The following MAPK10 variants were observed in gnomAD, a reference collection of about 807,000 sequenced individuals.
The protein encoded by MAPK10 is JNK3 alpha protein kinase.
A neutral mutation model predicts 59.3 loss-of-function variants in MAPK10; 25 were observed. That is an observed-to-expected ratio of 0.42 (90% CI 0.31 to 0.59). MAPK10 has a LOEUF of 0.59. Among genes scored for constraint, MAPK10 ranks in the 20% least tolerant of loss-of-function variants. MAPK10 has a pLI of 0.15. For synonymous variants in MAPK10, 190 were observed against 200.5 expected (o/e 0.95, Z 0.44); for missense variants, 351 against 568.9 (o/e 0.62, Z 3.90).
At chr4:86,428,831 G>A (rs78452509) in intron 1 of MAPK10, among the ~76,000 whole-genome samples, 1 of 152,116 alleles carries the variant, frequency 6.6e-6, no homozygotes, top group Non-Finnish European at 1.5e-5. Context: ...TTGAATTTAT[G>A]TACTAAATGA....
intron 2 of MAPK10, among the ~76,000 whole-genome samples, chr4:86,303,422 G>A (rs1020051282): frequency 6.6e-6 from 1 of 152,034 alleles, no homozygotes; most frequent in East Asian, 1.9e-4. Context: ...AAAGGAAGAA[G>A]TGATATAAAG....
At chr4:86,254,968 A>C (rs1257756735) in intron 2 of MAPK10, among the ~76,000 whole-genome samples, 4 of 152,210 alleles carry the variant, frequency 2.6e-5, no homozygotes, top group Non-Finnish European at 4.4e-5. Context: ...CAGTTCCTTT[A>C]TGAAGATGTA....
intron 1 of MAPK10, among the ~76,000 whole-genome samples, chr4:86,397,563 G>A (rs1688004112): frequency 6.6e-6 from 1 of 152,060 alleles, no homozygotes; most frequent in Non-Finnish European, 1.5e-5. Context: ...CCTTCTCAAA[G>A]CATTGAGAAC....
intron 1 of MAPK10, among the ~76,000 whole-genome samples, chr4:86,392,619 G>A (rs62307458): frequency 2.0e-5 from 3 of 152,102 alleles, no homozygotes; most frequent in Admixed American, 1.3e-4. Flanking sequence ...AAAAAAAAAG[G>A]AGCAGACTAG....
chr4:86,446,678 T>G (rs779785798), intron 1 of MAPK10, among the ~76,000 whole-genome samples: 10 of 152,136 alleles, frequency 6.6e-5, no homozygotes, highest in Non-Finnish European at 1.5e-4. Flanking sequence ...CAACTTGCAC[T>G]CCCACCAGCA....
intron 13 of MAPK10, chr4:86,024,524 A>C (rs1749167533): frequency 6.6e-6 from 1 of 152,214 alleles, no homozygotes; most frequent in Non-Finnish European, 1.5e-5. Context: ...CCTCAAGCAT[A>C]TATTTCCCCT....
rs190484484 is a variant in MAPK10 at position 86,271,604 on chromosome 4, C to T, written c.-6-77197G>A. Among the ~76,000 whole-genome samples, 6 of 152,000 alleles carry T rather than the reference C, an allele frequency of 3.9e-5. No individual in the cohort carries two copies. The East Asian group carries it at 9.7e-4, about 25-fold the overall frequency. On this transcript the variant is annotated intron_variant, in intron 2 of 13. Coordinates refer to ENST00000641462, the MANE Select transcript of MAPK10 (RefSeq NM_138982.4). ...CTCTCACGCTGCTAATAAAGACATA[C>T]CCTAAACTGGGTGATTTATTATGTA...
At chr4:86,156,039 G>A (rs2067675049) in intron 4 of MAPK10, among the ~76,000 whole-genome samples, 1 of 151,896 alleles carries the variant, frequency 6.6e-6, no homozygotes, top group South Asian at 2.1e-4. Context: ...TTTCAGAATG[G>A]TGTACAATTT....
chr4:86,288,084 G>A (rs551937554), intron 2 of MAPK10, among the ~76,000 whole-genome samples: 5 of 152,076 alleles, frequency 3.3e-5, no homozygotes, highest in African/African-American at 1.2e-4. Context: ...TATCACCTGC[G>A]AAAATAGCAC....
intron 1 of MAPK10, among the ~76,000 whole-genome samples, chr4:86,395,746 G>A (rs1742819526): frequency 6.6e-6 from 1 of 152,160 alleles, no homozygotes; most frequent in Non-Finnish European, 1.5e-5. Context: ...TACTGGTGAG[G>A]GTTCTCTTCC....
At chr4:86,029,963 G>C (rs2038592624) in intron 12 of MAPK10, among the ~76,000 whole-genome samples, 2 of 117,534 alleles carry the variant, frequency 1.7e-5, no homozygotes, top group Admixed American at 1.5e-4. Context: ...TTTCAGTTCT[G>C]TTTACTCTGT....
intron 4 of MAPK10, among the ~76,000 whole-genome samples, chr4:86,128,312 A>C (rs2060416345): frequency 6.6e-6 from 1 of 152,048 alleles, no homozygotes; most frequent in Non-Finnish European, 1.5e-5. Context: ...TCCCCGCCAA[A>C]TCTCATCTTG....
At chr4:86,492,137 G>A (rs1754501026) in intron 1 of MAPK10, among the ~76,000 whole-genome samples, 1 of 152,154 alleles carries the variant, frequency 6.6e-6, no homozygotes, top group African/African-American at 2.4e-5. Flanking sequence ...TGGAGTATGT[G>A]AGTTTTTTCT....
In MAPK10 at chr4:86,017,869, C is replaced by G. The variant is rs189976552; in HGVS notation, c.1253-499G>C. ...TCCCGAGTAGCTGGGAGTACAGGTG[C>G]GCACCACCACACCCAGCTAATTTTT... On this transcript the variant is annotated intron_variant, in intron 13 of 13. Transcript: ENST00000641462. The surrounding 1 kb of genome is among the most constrained non-coding windows in gnomAD (Gnocchi z 4.4). Among the ~76,000 whole-genome samples, 2 of 152,174 alleles carry G rather than the reference C, an allele frequency of 1.3e-5. No homozygotes were observed. Among genetic ancestry groups the G allele is most frequent in the East Asian group, 3.9e-4 (2 of 5,162 alleles).
At chr4:86,401,901 T>C (rs1217906715) in intron 1 of MAPK10, among the ~76,000 whole-genome samples, 1 of 152,154 alleles carries the variant, frequency 6.6e-6, no homozygotes, top group Non-Finnish European at 1.5e-5. Flanking sequence ...TGCTGCCATT[T>C]TGGAGTATCT....
chr4:86,454,872 T>G (rs1171290495), upstream of MAPK10, among the ~76,000 whole-genome samples: 1 of 152,092 alleles, frequency 6.6e-6, no homozygotes, highest in African/African-American at 2.4e-5. Context: ...TCTTAAGAGA[T>G]GTAAGGCAAA....
At chr4:86,463,648 GC>G (rs1751945534) in intron 1 of MAPK10, among the ~76,000 whole-genome samples, 1 of 152,122 alleles carries the variant, frequency 6.6e-6, no homozygotes, top group African/African-American at 2.4e-5. Flanking sequence ...ACACAAAGTA[GC>G]CATATGTAGG....
chr4:86,341,903 A>C (rs144784055), intron 2 of MAPK10, among the ~76,000 whole-genome samples: 457 of 151,944 alleles, frequency 3.0e-3, no homozygotes, highest in Non-Finnish European at 5.3e-3. Flanking sequence ...ACCTTATGGG[A>C]AAGCACCATT....
Position 86,437,396 on chromosome 4 carries a change from C to T in MAPK10, c.-122+15634G>A, listed in dbSNP as rs558121470. On this transcript the variant is annotated intron_variant, in intron 1 of 13. Coordinates refer to the MAPK10 transcript ENST00000361569. Reference sequence around the variant, plus strand: ...AACTAAATGATTTTTCTCTTGTATTCTGTTATTTGTGCAGAATTACATAAA... The same window carrying T: ...AACTAAATGATTTTTCTCTTGTATTTTGTTATTTGTGCAGAATTACATAAA... Among the ~76,000 whole-genome samples, 26 of 151,766 alleles carry T rather than the reference C, an allele frequency of 1.7e-4. No homozygotes were observed. The South Asian group carries it at 5.4e-3, about 32-fold the overall frequency.
Sources: allele counts gnomAD v4.1 joint callset (sites outside exome capture counted in the v4.1 genomes callset), GRCh38; gene constraint gnomAD v4.1.1; non-coding constraint Gnocchi (gnomAD v3.1); transcripts MANE v1.5; gene names NCBI Gene and HGNC (gene_info 2026-07-23, HGNC 2026-07-21).